The following LRRK2 variants were observed in gnomAD, a reference collection of about 807,000 sequenced individuals.
LRRK2 encodes the protein leucine rich repeat kinase 2, also known as leucine-rich repeat serine/threonine-protein kinase 2.
LRRK2 carries 203 observed loss-of-function variants against 302.6 expected under a neutral mutation model. That is an observed-to-expected ratio of 0.67 (90% confidence interval 0.60 to 0.75). The LOEUF is 0.75. Among genes scored for constraint, LRRK2 ranks in the 30% least tolerant of loss-of-function variants. The pLI is 0.00. For synonymous variants in LRRK2, 1,066 were observed against 1,031.9 expected (o/e 1.03, Z -0.63); for missense variants, 2,830 against 2,951.0 (o/e 0.96, Z 0.95).
intron 2 of LRRK2, among the ~76,000 whole-genome samples, chr12:40,231,576 C>CAAAAAAAAAAAAAAAAAAAA (rs71078231): frequency 9.4e-6 from 1 of 105,880 alleles, no homozygotes; most frequent in African/African-American, 3.9e-5. Context: ...AAAACAAAAC[C>CAAAAAAAAAAAAAAAAAAAA]AAAAAAAAAA....
intron 29 of LRRK2, 94 bp downstream of exon 29, chr12:40,308,790 C>G: frequency 8.7e-7 from 1 of 1,144,650 alleles, no homozygotes; most frequent in Non-Finnish European, 1.3e-6. Flanking sequence ...ATCCAGAAAC[C>G]TGGTAGACTG....
intron 11 of LRRK2, among the ~76,000 whole-genome samples, chr12:40,254,735 C>T (rs1942425058): frequency 6.6e-6 from 1 of 152,200 alleles, no homozygotes; most frequent in Admixed American, 6.6e-5. Context: ...GGACTGGTTA[C>T]ATTCAGAGTC....
chr12:40,282,878 G>A (rs73108363), intron 18 of LRRK2, among the ~76,000 whole-genome samples: 1,946 of 151,970 alleles, frequency 0.013, 56 homozygotes, highest in African/African-American at 0.042. Context: ...TTCCTTTTTT[G>A]ATGTTTTATT....
At chr12:40,281,326 A>G (rs1943688440) in intron 18 of LRRK2, among the ~76,000 whole-genome samples, 1 of 152,214 alleles carries the variant, frequency 6.6e-6, no homozygotes, top group Non-Finnish European at 1.5e-5. Flanking sequence ...ACAGTGTGAA[A>G]TCTGCCTCCA....
intron 46 of LRRK2, among the ~76,000 whole-genome samples, chr12:40,356,529 G>T (rs1337177324): frequency 6.6e-6 from 1 of 152,062 alleles, no homozygotes; most frequent in Non-Finnish European, 1.5e-5. Context: ...TTTAAATATG[G>T]CTTGCCATTA....
At chr12:40,298,144 GATGGTT>G in intron 23 of LRRK2, 93 bp from the exon 24 acceptor site, 1 of 1,254,368 alleles carries the variant, frequency 8.0e-7, no homozygotes, top group South Asian at 1.3e-5. Flanking sequence ...GAAAATTCTT[GATGGTT>G]CTAGTTACCA....
In LRRK2 at chr12:40,322,835, ATG is replaced by A. The variant is rs1431727950; in HGVS notation, c.5510-323_5510-322del. ...CAATACATGGACCTAATTTACCAAC[ATG>A]TCTGCCATATAATAACAGCTGCAGC... is the stretch of plus-strand genomic sequence containing the variant. On this transcript the variant is annotated intron_variant, in intron 37 of 50. Coordinates refer to ENST00000298910, the MANE Select transcript of LRRK2 (RefSeq NM_198578.4). Among the ~76,000 whole-genome samples, 10 of 110,176 alleles carry A rather than the reference ATG, an allele frequency of 9.1e-5. 1 individual carries two copies. The highest frequency in any genetic ancestry group is 7.3e-4 in the Admixed American group (9 of 12,292). 72.3% of individuals were successfully genotyped at this position (110,176 alleles called of 152,430 possible).
chr12:40,322,521 A>C lies in LRRK2; in HGVS notation c.5509+11A>C. ...AGAAAGCAGAGGAAGGTATGTTTTG[A>C]TACAACTTACAAATGCTTTTAAGTG... On this transcript the variant is annotated intron_variant, in intron 37 of 50. Coordinates refer to ENST00000298910, the MANE Select transcript of LRRK2 (RefSeq NM_198578.4). The C allele has an allele frequency of 1.2e-6, 2 of 1,610,436 alleles. No individual in the cohort carries two copies. The highest frequency in any genetic ancestry group is 8.5e-7 in the Non-Finnish European group (1 of 1,177,264).
rs371022326 is a variant in LRRK2, at chr12:40,249,559, G to C, written c.839-267G>C. On this transcript the variant is annotated intron_variant, in intron 7 of 50. Transcript: ENST00000298910. ...ACAGACATGACATGAGAGGGAATCAGAGAACATACAGTTAATACAACGCAA... is the reference window on the plus strand; with the variant it reads ...ACAGACATGACATGAGAGGGAATCACAGAACATACAGTTAATACAACGCAA... Among the ~76,000 whole-genome samples the C allele has an allele frequency of 3.3e-5, 5 of 152,254 alleles. No homozygotes were observed. The East Asian group carries it at 5.8e-4, about 18-fold the overall frequency.
chr12:40,257,734 T>C (rs1942584526), intron 12 of LRRK2, among the ~76,000 whole-genome samples: 1 of 152,242 alleles, frequency 6.6e-6, no homozygotes, highest in African/African-American at 2.4e-5. Context: ...TAAATTTTGC[T>C]CTTTCACAAC....
intron 41 of LRRK2, among the ~76,000 whole-genome samples, chr12:40,345,489 G>C (rs1406936988): frequency 2.6e-5 from 4 of 151,748 alleles, no homozygotes; most frequent in Admixed American, 2.6e-4. Context: ...TGGGCACGGT[G>C]GTGGGCACCT....
Position 40,341,881 on chromosome 12 carries a change from G to C in LRRK2, c.6109+1427G>C, listed in dbSNP as rs375951090. On this transcript the variant is annotated intron_variant, in intron 41 of 50. Coordinates refer to ENST00000298910, the MANE Select transcript of LRRK2 (RefSeq NM_198578.4). ...TTAAAAAAGTCAAAACAAAACAACA[G>C]AGCCATGAATAGCAAATATTGTCAA... Among the ~76,000 whole-genome samples, 4 of 152,192 alleles carry C rather than the reference G, an allele frequency of 2.6e-5. No homozygotes were observed. In the East Asian group the frequency reaches 5.8e-4, roughly 22 times the overall value.
chr12:40,298,590 G>A lies in LRRK2; in HGVS notation c.3347+97G>A. On this transcript the variant is annotated intron_variant, in intron 24 of 50. Transcript: ENST00000298910. ...TTATAGCAATGAGTTTTAACAACAT[G>A]GTGAAACTCCATCTCTACTAAAAAT... is the stretch of plus-strand genomic sequence containing the variant. 3 of 1,463,670 alleles carry A rather than the reference G, an allele frequency of 2.0e-6. No individual in the cohort carries two copies. In the South Asian group the frequency reaches 3.4e-5, roughly 17 times the overall value. 90.7% of individuals were successfully genotyped at this position (1,463,670 alleles called of 1,614,324 possible).
intron 7 of LRRK2, among the ~76,000 whole-genome samples, chr12:40,244,938 G>A (rs1468473626): frequency 6.7e-6 from 1 of 150,034 alleles, no homozygotes; most frequent in Non-Finnish European, 1.5e-5. Flanking sequence ...CTGAGCAAGG[G>A]TCATTGTCTA....
Position 40,286,152 on chromosome 12 carries a change from A to G in LRRK2, c.2501-1199A>G, listed in dbSNP as rs930718992. The G allele has an allele frequency of 3.7e-4, 56 of 152,184 alleles. 1 individual carries two copies. Among genetic ancestry groups the G allele is most frequent in the African/African-American group, 1.3e-3 (56 of 41,546 alleles). The allele number at this position is 152,184 out of a possible 1,614,324, so 9.4% of individuals were successfully genotyped here. ...ACACATCTTACCCAGTTAAAAAAAC[A>G]TAGAATTGTCATTTGATTAATTGGA... is the stretch of plus-strand genomic sequence containing the variant. On this transcript the variant is annotated intron_variant, in intron 19 of 50. Transcript: ENST00000298910.
rs199680004 is a variant in LRRK2 at position 40,363,546 on chromosome 12, C to G, written c.7173C>G (p.His2391Gln). 39 of 1,611,194 alleles carry G rather than the reference C, an allele frequency of 2.4e-5. 1 individual carries two copies. The East Asian group carries it at 8.5e-4, about 35-fold the overall frequency. ...TCTGTGGACTAATAGACTGCGTGCA[C>G]TTTTTAAGGTAAATTCTGTGGTTTT... ...EKLCGLIDCV[H>Q]FLREVMVKEN... Residue 2391 changes from histidine to glutamine, a missense_variant, in exon 48 of 51, where the codon CAC becomes CAG. By Grantham distance (24) the His-to-Gln change is conservative. Transcript: ENST00000298910.
At chr12:40,267,770 A>G (rs1468813436) in intron 14 of LRRK2, among the ~76,000 whole-genome samples, 1 of 152,108 alleles carries the variant, frequency 6.6e-6, no homozygotes, top group Non-Finnish European at 1.5e-5. Flanking sequence ...ATCCTTCATC[A>G]TGGTTGAGGA....
chr12:40,261,800 A>G (rs1036979149), intron 13 of LRRK2, among the ~76,000 whole-genome samples: 5 of 152,236 alleles, frequency 3.3e-5, no homozygotes, highest in African/African-American at 4.8e-5. Flanking sequence ...AGTGGCAAAG[A>G]TGTACATTAT....
chr12:40,298,609 T>G, intron 24 of LRRK2, 116 bp downstream of exon 24: 1 of 1,356,846 alleles, frequency 7.4e-7, no homozygotes, highest in Non-Finnish European at 1.0e-6. Context: ...CCATCTCTAC[T>G]AAAAATACAA....
Sources: gnomAD v4.1 joint callset for allele counts (sites outside exome capture counted in the v4.1 genomes callset) on GRCh38, gnomAD v4.1.1 for gene constraint, MANE v1.5 for transcripts, NCBI Gene and HGNC (gene_info 2026-07-23, HGNC 2026-07-21) for gene names.